MYEF2: variants seen among roughly 807,000 people sequenced by gnomAD.
The protein encoded by MYEF2 is myelin expression factor 2.
MYEF2 carries 37 observed loss-of-function variants against 75.2 expected under a neutral mutation model. That is an observed-to-expected ratio of 0.49 (90% CI 0.38 to 0.65). The LOEUF is 0.65. Among genes scored for constraint, MYEF2 ranks in the 30% least tolerant of loss-of-function variants. The pLI, the probability that MYEF2 is intolerant of heterozygous loss-of-function variation, is 0.00. For synonymous variants in MYEF2, 195 were observed against 241.6 expected (o/e 0.81, Z 1.79); for missense variants, 634 against 771.4 (o/e 0.82, Z 2.11).
At chr15:48,143,794 TATC>T (rs1424678341) in intron 16 of MYEF2, among the ~76,000 whole-genome samples, 2 of 152,148 alleles carry the variant, frequency 1.3e-5, no homozygotes, top group Admixed American at 6.6e-5. Context: ...GCAGTTATAA[TATC>T]ATTGCTAACT....
chr15:48,153,223 CATT>C (rs2039562582), intron 10 of MYEF2: 1 of 151,968 alleles, frequency 6.6e-6, no homozygotes, highest in African/African-American at 2.4e-5. Context: ...ATGAGTTTAT[CATT>C]TTTTAATATG....
chr15:48,168,403 A>G (rs1422061861), intron 2 of MYEF2, among the ~76,000 whole-genome samples: 1 of 152,188 alleles, frequency 6.6e-6, no homozygotes, highest in Non-Finnish European at 1.5e-5. Flanking sequence ...TGGCATGCAT[A>G]TGCTGGCTCG....
intron 9 of MYEF2, chr15:48,157,264 GGAGGCACTGAGACACA>G (rs1442378211): frequency 4.6e-5 from 7 of 152,144 alleles, no homozygotes; most frequent in Non-Finnish European, 7.4e-5. Context: ...ACTTTTCAAA[GGAGGCACTGAGACACA>G]GAGGCACTGA....
At position 48,139,029 on chromosome 15, in the gene MYEF2, C is replaced by A. The variant is rs184818838; in HGVS notation, c.*3879G>T. On this transcript the variant is annotated 3_prime_UTR_variant, in exon 17 of 17. Transcript: ENST00000324324. ...TTAAAAAGAATTTTTTGGGTATTAT[C>A]CCTTCCTATTATTACATTACTTTTT... 8.3e-5 allele frequency: 134 copies of A among 1,613,064 alleles called. 1 individual carries two copies. The East Asian group carries it at 1.9e-3, about 23-fold the overall frequency.
rs1166406635 is a variant in MYEF2 at position 48,136,701 on chromosome 15, G to A, written c.*6207C>T. ...TTTGTAGGTATGAAGGGGCTTTACTGCTTTTGATATATGGATTGTATGTTT... is the reference window on the plus strand; with the variant it reads ...TTTGTAGGTATGAAGGGGCTTTACTACTTTTGATATATGGATTGTATGTTT... On this transcript the variant is annotated 3_prime_UTR_variant, in exon 17 of 17. Transcript: ENST00000324324. The A allele has an allele frequency of 6.2e-7, 1 of 1,609,538 alleles. No individual in the cohort carries two copies. The highest frequency in any genetic ancestry group is 2.2e-5 in the East Asian group (1 of 44,796).
chr15:48,146,334 G>A (rs539949976), intron 16 of MYEF2, among the ~76,000 whole-genome samples: 36 of 151,898 alleles, frequency 2.4e-4, no homozygotes, highest in South Asian at 2.3e-3. Context: ...GATCTCTTTT[G>A]CTACAGGAAA....
intron 1 of MYEF2, among the ~76,000 whole-genome samples, chr15:48,174,279 A>G (rs184027299): frequency 3.9e-5 from 6 of 152,250 alleles, no homozygotes; most frequent in Admixed American, 1.3e-4. Flanking sequence ...AAAACTAGAT[A>G]TCCACATACA....
At chr15:48,145,069 A>G (rs1006299418) in intron 16 of MYEF2, among the ~76,000 whole-genome samples, 77 of 151,854 alleles carry the variant, frequency 5.1e-4, no homozygotes, top group African/African-American at 1.8e-3. Flanking sequence ...ATCAGCACTC[A>G]GACCTCCAAA....
At chr15:48,150,524 A>C (rs921914313) in intron 14 of MYEF2, among the ~76,000 whole-genome samples, 1 of 152,024 alleles carries the variant, frequency 6.6e-6, no homozygotes, top group African/African-American at 2.4e-5. Flanking sequence ...ATTCAGGCTT[A>C]ATATAAGGCC....
chr15:48,144,673 T>C (rs1039290157), intron 16 of MYEF2, among the ~76,000 whole-genome samples: 7 of 151,892 alleles, frequency 4.6e-5, no homozygotes, highest in African/African-American at 1.7e-4. Flanking sequence ...AAAACACATT[T>C]TAAAACAATT....
intron 16 of MYEF2, 130 bp downstream of exon 16, chr15:48,148,902 G>T: frequency 1.2e-6 from 1 of 859,034 alleles, no homozygotes; most frequent in Non-Finnish European, 1.9e-6. Context: ...AATTAGACCT[G>T]GCACGCTATC....
intron 7 of MYEF2, 67 bp from the exon 8 acceptor site, chr15:48,158,291 T>G: frequency 6.9e-7 from 1 of 1,447,686 alleles, no homozygotes; most frequent in Non-Finnish European, 9.6e-7. Flanking sequence ...CAAACTAATT[T>G]TTAATAATCT....
rs1023764506 is a variant in MYEF2, at chr15:48,135,297, G to T, written c.*7611C>A. 4.9e-6 allele frequency: 1 copy of T among 205,948 alleles called. No individual in the cohort carries two copies. The allele number at this position is 205,948 out of a possible 1,614,324, so 12.8% of individuals were successfully genotyped here. On this transcript the variant is annotated 3_prime_UTR_variant, in exon 17 of 17. Coordinates refer to ENST00000324324, the MANE Select transcript of MYEF2 (RefSeq NM_016132.5). ...CCTGTTGTCCATTAAAGCCACAACA[G>T]TTGACTTTTTCTTCTGCTGGGTTAC...
chr15:48,152,318 T>C (rs1286506587), intron 10 of MYEF2, 34 bp from the exon 11 acceptor site: 1 of 1,547,846 alleles, frequency 6.5e-7, no homozygotes, highest in Non-Finnish European at 8.8e-7. Flanking sequence ...ACTTTAAGTA[T>C]ATTTTATTTT....
At chr15:48,154,551 G>C (rs1597314071) in intron 9 of MYEF2, among the ~76,000 whole-genome samples, 1 of 152,132 alleles carries the variant, frequency 6.6e-6, no homozygotes, top group East Asian at 1.9e-4. Context: ...TACTTATAAA[G>C]AAAGGACGAT....
At chr15:48,147,468 C>T (rs1388779506) in intron 16 of MYEF2, among the ~76,000 whole-genome samples, 1 of 151,534 alleles carries the variant, frequency 6.6e-6, no homozygotes, top group African/African-American at 2.4e-5. Context: ...ACTAAATCAA[C>T]ACAGATTATA....
At chr15:48,159,504 T>A in intron 6 of MYEF2, 109 bp downstream of exon 6, 1 of 909,874 alleles carries the variant, frequency 1.1e-6, no homozygotes, top group Non-Finnish European at 1.7e-6. Flanking sequence ...ACTATTTCAC[T>A]TACTTTAGTT....
chr15:48,141,096 A>T lies in MYEF2; in HGVS notation c.*1812T>A. 1 of 1,582,768 alleles carries T rather than the reference A, an allele frequency of 6.3e-7. No homozygotes were observed. Among genetic ancestry groups the T allele is most frequent in the Non-Finnish European group, 8.7e-7 (1 of 1,154,592 alleles). ...GAATCTTTAAGATTTGTAACTTGAA[A>T]TATCTGTTTATTACAGGGGAAACAC... On this transcript the variant is annotated 3_prime_UTR_variant, in exon 17 of 17. Transcript: ENST00000324324.
At chr15:48,178,053 G>C (rs774352728) in intron 1 of MYEF2, 24 bp downstream of exon 1, 122 of 1,582,836 alleles carry the variant, frequency 7.7e-5, no homozygotes, top group Non-Finnish European at 9.6e-5. Context: ...ACCTCGCCCC[G>C]GTTCCCGGAG....
Sources: gnomAD v4.1 joint callset for allele counts (sites outside exome capture counted in the v4.1 genomes callset) on GRCh38, gnomAD v4.1.1 for gene constraint, MANE v1.5 for transcripts, NCBI Gene and HGNC (gene_info 2026-07-23, HGNC 2026-07-21) for gene names.